Variants in SAMD5 observed in about 807,000 individuals in gnomAD.
The protein encoded by SAMD5 is sterile alpha motif domain containing 5.
Under a neutral mutation model 11.3 loss-of-function variants are expected in SAMD5, and 13 were observed. The ratio of observed to expected loss-of-function variants is 1.15; its 90% CI spans 0.75 to 1.83. The LOEUF is 1.83. Among genes scored for constraint, SAMD5 ranks in the 40% most tolerant of loss-of-function variants. The pLI, the probability that SAMD5 is intolerant of heterozygous loss-of-function variation, is 0.00. For synonymous variants in SAMD5, 129 were observed against 111.3 expected (o/e 1.16, Z -1.00); for missense variants, 255 against 239.1 (o/e 1.07, Z -0.44).
rs549719821 is a variant in SAMD5, at chr6:147,618,404, G to C, written c.162+109017G>C. Among the ~76,000 whole-genome samples the C allele has an allele frequency of 8.5e-5, 13 of 152,308 alleles. No individual in the cohort carries two copies. In the South Asian group the frequency reaches 1.9e-3, roughly 22 times the overall value. On this transcript the variant is annotated intron_variant, in intron 1 of 1. Transcript: ENST00000566741. ...GAGACTGAGTAGTGGGGCAACATGA[G>C]GGGGAGCAGATTCCCAGAGATTGGG...
chr6:147,943,357 T>G, the SAMD5 span, among the ~76,000 whole-genome samples: 5 of 152,160 alleles, frequency 3.3e-5, no homozygotes, highest in Non-Finnish European at 5.9e-5. Context: ...AGTGTCTGCA[T>G]TTGCTGCTCT....
chr6:147,766,055 CAG>C, the SAMD5 span, among the ~76,000 whole-genome samples: 1 of 145,380 alleles, frequency 6.9e-6, no homozygotes, highest in Non-Finnish European at 1.5e-5. Flanking sequence ...AAAAAAGAAA[CAG>C]AGACCAAGGC....
At chr6:147,744,112 C>A in the SAMD5 span, among the ~76,000 whole-genome samples, 8 of 152,154 alleles carry the variant, frequency 5.3e-5, no homozygotes, top group African/African-American at 1.9e-4. Flanking sequence ...ACAGCACTGA[C>A]TGCAAAAATG....
At chr6:147,597,272 C>G (rs1176895901) in intron 1 of SAMD5, among the ~76,000 whole-genome samples, 1 of 152,118 alleles carries the variant, frequency 6.6e-6, no homozygotes, top group Non-Finnish European at 1.5e-5. Flanking sequence ...ATTAATTAAT[C>G]AGTGGCTTCT....
chr6:147,933,464 C>T, the SAMD5 span, among the ~76,000 whole-genome samples: 4 of 152,082 alleles, frequency 2.6e-5, no homozygotes, highest in African/African-American at 9.7e-5. Context: ...ACGTGTAGAG[C>T]TTGTATTAGG....
At chr6:147,687,309 G>T (rs1791032277) in intron 1 of SAMD5, among the ~76,000 whole-genome samples, 3 of 108,540 alleles carry the variant, frequency 2.8e-5, no homozygotes, top group South Asian at 3.3e-4. Flanking sequence ...AGGTTATAGA[G>T]TCTCACTCCA....
chr6:147,693,113 C>A lies in SAMD5; in HGVS notation c.163-44204C>A, dbSNP rs181420193. Among the ~76,000 whole-genome samples, 25 of 152,340 alleles carry A rather than the reference C, an allele frequency of 1.6e-4. 1 individual carries two copies. The East Asian group carries it at 4.2e-3, about 26-fold the overall frequency. ...CGACAATAGCTACACAAGGCCTGGGCCAGGAGTCTTTCAATTCTGCCCCTA... is the reference window on the plus strand; with the variant it reads ...CGACAATAGCTACACAAGGCCTGGGACAGGAGTCTTTCAATTCTGCCCCTA... On this transcript the variant is annotated intron_variant, in intron 1 of 1. Transcript: ENST00000566741.
chr6:147,555,870 T>C (rs1007107591), intron 1 of SAMD5, among the ~76,000 whole-genome samples: 2 of 152,190 alleles, frequency 1.3e-5, no homozygotes, highest in African/African-American at 4.8e-5. Context: ...TCTGTTCAGA[T>C]ACTCCCTACT....
intron 1 of SAMD5, among the ~76,000 whole-genome samples, chr6:147,710,181 C>G (rs1791376847): frequency 2.6e-5 from 4 of 152,306 alleles, no homozygotes; most frequent in Admixed American, 2.0e-4. Context: ...TAGCCACCTA[C>G]TGCTCTCCAT....
the SAMD5 span, among the ~76,000 whole-genome samples, chr6:147,749,803 G>A: frequency 2.6e-5 from 4 of 152,236 alleles, no homozygotes; most frequent in East Asian, 7.7e-4. Context: ...AAATAGAAAA[G>A]TGATTTATTC....
At chr6:147,584,018 G>C (rs1209624692) in intron 1 of SAMD5, among the ~76,000 whole-genome samples, 1 of 151,968 alleles carries the variant, frequency 6.6e-6, no homozygotes, top group Non-Finnish European at 1.5e-5. Flanking sequence ...AAGTACTTCA[G>C]AGCATATGAT....
the SAMD5 span, among the ~76,000 whole-genome samples, chr6:147,888,083 C>G: frequency 6.6e-6 from 1 of 152,056 alleles, no homozygotes; most frequent in East Asian, 1.9e-4. Flanking sequence ...TTTGTAAATC[C>G]CATTTTCTTT....
chr6:147,937,625 A>G, the SAMD5 span, among the ~76,000 whole-genome samples: 2 of 152,204 alleles, frequency 1.3e-5, no homozygotes, highest in African/African-American at 4.8e-5. Flanking sequence ...ATTACGTTTC[A>G]GGGGAATGGT....
chr6:147,617,000 A>G (rs1016263112), intron 1 of SAMD5, among the ~76,000 whole-genome samples: 2 of 152,188 alleles, frequency 1.3e-5, no homozygotes, highest in African/African-American at 4.8e-5. Context: ...GCCAAACCTT[A>G]TCCTAGTTGG....
At chr6:147,697,707 A>C (rs1418171683) in intron 1 of SAMD5, among the ~76,000 whole-genome samples, 1 of 152,218 alleles carries the variant, frequency 6.6e-6, no homozygotes, top group Non-Finnish European at 1.5e-5. Context: ...AGGAGCAAGG[A>C]AACAATCATG....
chr6:147,802,939 T>A, the SAMD5 span, among the ~76,000 whole-genome samples: 1 of 152,154 alleles, frequency 6.6e-6, no homozygotes, highest in South Asian at 2.1e-4. Context: ...CTGGGGGTGT[T>A]TATGTGTTGA....
intron 1 of SAMD5, among the ~76,000 whole-genome samples, chr6:147,700,749 G>T (rs1421990369): frequency 6.6e-6 from 1 of 152,214 alleles, no homozygotes; most frequent in African/African-American, 2.4e-5. Context: ...ACAGAGTAAA[G>T]AACAACTGGC....
downstream of SAMD5, among the ~76,000 whole-genome samples, chr6:147,570,369 A>G (rs844589): frequency 0.42 from 63,431 of 151,898 alleles, 13,659 homozygotes; most frequent in African/African-American, 0.53. Flanking sequence ...GAGTTTCTGT[A>G]CATGTGTTTC....
chr6:147,916,926 T>G, the SAMD5 span, among the ~76,000 whole-genome samples: 4 of 150,496 alleles, frequency 2.7e-5, no homozygotes, highest in Non-Finnish European at 5.9e-5. Context: ...ATGGTGTATA[T>G]GTGCCACATT....
Sources: allele counts gnomAD v4.1 joint callset (sites outside exome capture counted in the v4.1 genomes callset), GRCh38; gene constraint gnomAD v4.1.1; transcripts MANE v1.5; gene names NCBI Gene and HGNC (gene_info 2026-07-23, HGNC 2026-07-21).